The following PRKN variants were observed in gnomAD, a reference collection of about 807,000 sequenced individuals.
The protein encoded by PRKN is parkin RBR E3 ubiquitin protein ligase.
A neutral mutation model predicts 59.5 loss-of-function variants in PRKN; 56 were observed. That is an observed-to-expected ratio of 0.94 (90% CI 0.76 to 1.18). The LOEUF (loss-of-function observed/expected upper bound fraction) is 1.18. PRKN is among the 50% of genes most tolerant of loss of function. The pLI is 0.00. For synonymous variants in PRKN, 250 were observed against 222.1 expected, an observed-to-expected ratio of 1.13 and a Z score of -1.12; for missense variants, 657 against 596.4, an observed-to-expected ratio of 1.10 and a Z score of -1.06.
At chr6:161,531,378 C>T (rs1779205679) in intron 9 of PRKN, among the ~76,000 whole-genome samples, 1 of 132,446 alleles carries the variant, frequency 7.6e-6, no homozygotes, top group African/African-American at 3.0e-5. Flanking sequence ...GAGACTCCGT[C>T]TCAAAAAAAA....
chr6:162,188,922 G>A (rs1784144758), intron 4 of PRKN, among the ~76,000 whole-genome samples: 1 of 152,038 alleles, frequency 6.6e-6, no homozygotes, highest in African/African-American at 2.4e-5. Context: ...CTCTAGCAAA[G>A]TCAGATGACT....
Position 161,548,955 on chromosome 6 carries a change from C to A in PRKN, c.982G>T (p.Gly328Trp). The change falls in exon 9 of 12, where the codon GGG (glycine) becomes TGG (tryptophan). Residue 328 changes from glycine to tryptophan, a missense_variant. By Grantham distance (184) the Gly-to-Trp change is radical. Coordinates refer to ENST00000366898, the MANE Select transcript of PRKN (RefSeq NM_004562.3). The surrounding 1 kb of genome is among the most constrained non-coding windows in gnomAD (Gnocchi z 4.2). ...YGAEECVLQM[G>W]GVLCPRPGCG... Reference sequence around the variant, plus strand: ...CCAGGGCGGGGGCATAACACGCCCCCCATCTGCAGGACACACTCCTCTGCA... The same window carrying A: ...CCAGGGCGGGGGCATAACACGCCCCACATCTGCAGGACACACTCCTCTGCA... The A allele has an allele frequency of 6.2e-7, 1 of 1,614,084 alleles. No individual in the cohort carries two copies. Among genetic ancestry groups the A allele is most frequent in the Middle Eastern group, 1.6e-4 (1 of 6,062 alleles).
At chr6:162,549,034 T>G (rs1779230192) in intron 1 of PRKN, among the ~76,000 whole-genome samples, 1 of 138,030 alleles carries the variant, frequency 7.2e-6, no homozygotes, top group Admixed American at 7.1e-5. Flanking sequence ...CATTTATATG[T>G]TGAAATCCTG....
intron 1 of PRKN, among the ~76,000 whole-genome samples, chr6:162,483,918 T>C (rs1792421034): frequency 6.6e-6 from 1 of 152,218 alleles, no homozygotes; most frequent in South Asian, 2.1e-4. Context: ...TACCTTGTGT[T>C]CCATTCATTT....
At chr6:162,058,505 C>A (rs1169856569) in intron 4 of PRKN, among the ~76,000 whole-genome samples, 5 of 152,160 alleles carry the variant, frequency 3.3e-5, no homozygotes, top group Admixed American at 2.6e-4. Flanking sequence ...GCTTGAGGCA[C>A]CGAAAAGTCC....
intron 7 of PRKN, among the ~76,000 whole-genome samples, chr6:161,668,230 TA>T (rs1329462200): frequency 8.7e-4 from 99 of 114,320 alleles, no homozygotes; most frequent in Non-Finnish European, 6.6e-4. Context: ...AAACTCCCAT[TA>T]AAAAAAAAAA....
intron 1 of PRKN, among the ~76,000 whole-genome samples, chr6:162,670,965 T>A (rs1779295852): frequency 6.6e-6 from 1 of 152,192 alleles, no homozygotes; most frequent in Admixed American, 6.5e-5. Flanking sequence ...GTAGGTGATA[T>A]CAATACCATT....
Position 161,584,547 on chromosome 6 carries a change from T to G in PRKN, c.872-15131A>C, listed in dbSNP as rs1781457305. Among the ~76,000 whole-genome samples the G allele has an allele frequency of 6.6e-6, 1 of 152,222 alleles. No individual in the cohort carries two copies. Among genetic ancestry groups the G allele is most frequent in the Non-Finnish European group, 1.5e-5 (1 of 68,036 alleles). On this transcript the variant is annotated intron_variant, in intron 7 of 11. Transcript: ENST00000366898. The surrounding 1 kb of genome is among the most constrained non-coding windows in gnomAD (Gnocchi z 4.8). ...ATCTTTTAACATATCCCCCTTACAC[T>G]TGCCATCCAAAGGTAAAAAGAAATG...
At chr6:162,523,847 T>A (rs1340256532) in intron 1 of PRKN, among the ~76,000 whole-genome samples, 1 of 151,832 alleles carries the variant, frequency 6.6e-6, no homozygotes, top group East Asian at 1.9e-4. Context: ...CACCACCCCA[T>A]CTCTAAAAAG....
chr6:162,489,950 T>A (rs1239598767), intron 1 of PRKN, among the ~76,000 whole-genome samples: 5 of 152,206 alleles, frequency 3.3e-5, no homozygotes, highest in Non-Finnish European at 5.9e-5. Flanking sequence ...AATCCTTGTT[T>A]CTTTTTAAAG....
chr6:161,481,330 C>T (rs529243651), intron 9 of PRKN, among the ~76,000 whole-genome samples: 6 of 152,182 alleles, frequency 3.9e-5, no homozygotes, highest in East Asian at 3.9e-4. Context: ...TTTGGCTGGG[C>T]GCGTTGGCTC....
rs147860992 is a variant in PRKN, at chr6:162,178,149, TAG to T, written c.534+22980_534+22981del. On this transcript the variant is annotated intron_variant, in intron 4 of 11. Transcript: ENST00000366898. The stretch of plus-strand genomic sequence containing the variant: ...AGCCACTAGGTAGGACTTTTAGAAA[TAG>T]AGTCGCTACATCCTCTAGGCTCCTG... Among the ~76,000 whole-genome samples, 19 of 152,328 alleles carry T rather than the reference TAG, an allele frequency of 1.2e-4. 1 individual carries two copies. In the East Asian group the frequency reaches 2.5e-3, roughly 20 times the overall value.
chr6:161,896,415 C>T (rs2128233594), intron 6 of PRKN, among the ~76,000 whole-genome samples: 1 of 152,284 alleles, frequency 6.6e-6, no homozygotes, highest in East Asian at 1.9e-4. Flanking sequence ...TGTCTATCTC[C>T]CATCAACAAC....
intron 1 of PRKN, among the ~76,000 whole-genome samples, chr6:162,584,229 AAACAAAAAACAAAAAAC>A (rs1780912002): frequency 8.5e-6 from 1 of 118,246 alleles, no homozygotes; most frequent in Non-Finnish European, 1.9e-5. Flanking sequence ...AAAAAACAAA[AAACAAAAAACAAAAAAC>A]AAAAAAAAAA....
At chr6:162,635,572 G>T (rs1461805644) in intron 1 of PRKN, among the ~76,000 whole-genome samples, 1 of 142,278 alleles carries the variant, frequency 7.0e-6, no homozygotes, top group Non-Finnish European at 1.5e-5. Flanking sequence ...ATTTCATCTT[G>T]TTATTAAGTT....
chr6:162,301,364 C>A (rs1781944876), intron 2 of PRKN, among the ~76,000 whole-genome samples: 1 of 152,104 alleles, frequency 6.6e-6, no homozygotes, highest in Non-Finnish European at 1.5e-5. Flanking sequence ...CACTCACTTG[C>A]CTGCTCTTGC....
rs114146273 is a variant in PRKN at position 161,826,453 on chromosome 6, T to C, written c.735-40545A>G. ...TATGATGACTATAGCAAAAATAGTATATTTCTGCTCATCCTTGCAGAAAAC... is the reference window on the plus strand; with the variant it reads ...TATGATGACTATAGCAAAAATAGTACATTTCTGCTCATCCTTGCAGAAAAC... On this transcript the variant is annotated intron_variant, in intron 6 of 11. Coordinates refer to ENST00000366898, the MANE Select transcript of PRKN (RefSeq NM_004562.3). Among the ~76,000 whole-genome samples, 156 of 152,338 alleles carry C rather than the reference T, an allele frequency of 1.0e-3. 1 individual carries two copies. Among genetic ancestry groups the C allele is most frequent in the African/African-American group, 3.7e-3 (154 of 41,574 alleles).
chr6:161,536,007 T>C (rs1402105761), intron 9 of PRKN, among the ~76,000 whole-genome samples: 1 of 152,064 alleles, frequency 6.6e-6, no homozygotes, highest in East Asian at 1.9e-4. Context: ...AACCATATTA[T>C]GGAATATAAT....
intron 2 of PRKN, among the ~76,000 whole-genome samples, chr6:162,282,977 T>C (rs1211718327): frequency 6.6e-6 from 1 of 152,052 alleles, no homozygotes; most frequent in East Asian, 1.9e-4. Flanking sequence ...AGCTTTCCTT[T>C]CTTTCTTTCT....
Sources: gnomAD v4.1 joint callset for allele counts (sites outside exome capture counted in the v4.1 genomes callset) on GRCh38, gnomAD v4.1.1 for gene constraint, Gnocchi (gnomAD v3.1) non-coding constraint, MANE v1.5 for transcripts, NCBI Gene and HGNC (gene_info 2026-07-23, HGNC 2026-07-21) for gene names.